Variants in RAP1A observed in about 807,000 individuals in gnomAD.
The protein encoded by RAP1A is ras-related protein Rap-1A.
Under a neutral mutation model 26.4 loss-of-function variants are expected in RAP1A, and 6 were observed. That is an observed-to-expected ratio of 0.23 (90% confidence interval 0.12 to 0.45). The LOEUF (loss-of-function observed/expected upper bound fraction) is 0.45. Among genes scored for constraint, RAP1A ranks in the 20% least tolerant of loss-of-function variants. The pLI, the probability that RAP1A is intolerant of heterozygous loss-of-function variation, is 0.99. For missense variants in RAP1A, 121 were observed against 217.2 expected (o/e 0.56, Z 2.78); for synonymous variants, 73 against 79.4 (o/e 0.92, Z 0.43).
At chr1:111,633,560 T>G (rs1480152673) in intron 1 of RAP1A, among the ~76,000 whole-genome samples, 1 of 152,250 alleles carries the variant, frequency 6.6e-6, no homozygotes. Flanking sequence ...TTCGTTCAAC[T>G]GGTAAGAAGC....
At chr1:111,705,830 A>G (rs184176919) in intron 6 of RAP1A, among the ~76,000 whole-genome samples, 53 of 152,328 alleles carry the variant, frequency 3.5e-4, no homozygotes, top group African/African-American at 1.3e-3. Flanking sequence ...GTCACTATCT[A>G]CAAGATAATT....
intron 6 of RAP1A, among the ~76,000 whole-genome samples, 166 bp from the exon 7 acceptor site, chr1:111,708,983 C>T (rs1309162619): frequency 6.6e-6 from 1 of 152,208 alleles, no homozygotes; most frequent in Non-Finnish European, 1.5e-5. Flanking sequence ...GTAAGTCCTG[C>T]TTTCTACCCT....
rs567637124 is a variant in RAP1A at position 111,569,112 on chromosome 1, A to G, written c.-28+26603A>G. ...TTAAGTTTTGGGAAAGTCAAAAGTT[A>G]CACTTGGAGGCCGGGCATGGTGGCT... On this transcript the variant is annotated intron_variant, in intron 1 of 7. Coordinates refer to the RAP1A transcript ENST00000356415. Among the ~76,000 whole-genome samples the G allele has an allele frequency of 2.0e-5, 3 of 152,216 alleles. No homozygotes were observed. In the East Asian group the frequency reaches 5.8e-4, roughly 29 times the overall value.
intron 1 of RAP1A, among the ~76,000 whole-genome samples, chr1:111,641,503 C>G (rs1659890095): frequency 6.6e-6 from 1 of 152,096 alleles, no homozygotes; most frequent in East Asian, 1.9e-4. Context: ...GGAGAACGTT[C>G]TTTATCTTAG....
chr1:111,650,093 CTT>C (rs57681662), intron 1 of RAP1A, among the ~76,000 whole-genome samples: 28,230 of 75,742 alleles, frequency 0.37, 3,330 homozygotes, highest in East Asian at 0.49. Context: ...TGGTAGAGTG[CTT>C]TTTTTTTTTT....
At position 111,712,686 on chromosome 1, in the gene RAP1A, A is replaced by G. The variant is rs1303940845; in HGVS notation, c.*285A>G. The G allele has an allele frequency of 6.6e-6, 1 of 152,546 alleles. No homozygotes were observed. Among genetic ancestry groups the G allele is most frequent in the East Asian group, 1.9e-4 (1 of 5,206 alleles). 9.4% of individuals were successfully genotyped at this position (152,546 alleles called of 1,614,324 possible). On this transcript the variant is annotated 3_prime_UTR_variant, in exon 8 of 8. Coordinates refer to ENST00000369709, the MANE Select transcript of RAP1A (RefSeq NM_002884.4). ...TACTTGACTCTAATATGATTATACA[A>G]AAGAGCATGGATGCATTTCAAATGT...
Position 111,563,796 on chromosome 1 carries a change from C to T in RAP1A, c.-28+21287C>T, listed in dbSNP as rs775065597. On this transcript the variant is annotated intron_variant, in intron 1 of 7. Coordinates refer to the RAP1A transcript ENST00000356415. ...TTCCAAAGTGGTCAGTATGCAGACT[C>T]AGACCCCAACCTCTGCCTCCCAGCA... 3.4e-6 allele frequency: 5 copies of T among 1,470,834 alleles called. No homozygotes were observed. In the South Asian group the frequency reaches 4.6e-5, roughly 13 times the overall value. 91.1% of individuals were successfully genotyped at this position (1,470,834 alleles called of 1,614,324 possible).
chr1:111,609,153 C>A (rs1658874282), intron 1 of RAP1A, among the ~76,000 whole-genome samples: 1 of 152,148 alleles, frequency 6.6e-6, no homozygotes, highest in Non-Finnish European at 1.5e-5. Context: ...CCTCCAACTC[C>A]CAGCAAGATG....
In RAP1A at chr1:111,688,802, G is replaced by T. The variant is rs111684669; in HGVS notation, c.-27-2532G>T. Among the ~76,000 whole-genome samples the T allele has an allele frequency of 1.0e-2, 1,257 of 125,766 alleles. 16 individuals are homozygous for T. The highest frequency in any genetic ancestry group is 0.035 in the African/African-American group (1,175 of 33,750). The allele number at this position is 125,766 out of a possible 152,430, so 82.5% of individuals were successfully genotyped here. On this transcript the variant is annotated intron_variant, in intron 1 of 7. Coordinates refer to ENST00000369709, the MANE Select transcript of RAP1A (RefSeq NM_002884.4). ...TACTTGGATGTGTAGATGGGTTTTT[G>T]TTTTTGTTTTTTTTTTTTTGTTTTT...
chr1:111,692,898 G>A (rs548829175), intron 2 of RAP1A, among the ~76,000 whole-genome samples: 1 of 152,312 alleles, frequency 6.6e-6, no homozygotes, highest in South Asian at 2.1e-4. Context: ...GGGAACAAGG[G>A]TGGTAGATAA....
intron 1 of RAP1A, among the ~76,000 whole-genome samples, chr1:111,580,570 C>T (rs766500686): frequency 5.9e-5 from 9 of 152,128 alleles, no homozygotes; most frequent in East Asian, 1.9e-4. Flanking sequence ...CCCTAGTTGC[C>T]GGGCGTGGTG....
chr1:111,604,484 A>ACAGT (rs1348360461), intron 1 of RAP1A: 3 of 152,210 alleles, frequency 2.0e-5, no homozygotes, highest in African/African-American at 7.2e-5. Flanking sequence ...CAGGATGTCC[A>ACAGT]CAGTTCAGCT....
intron 7 of RAP1A, among the ~76,000 whole-genome samples, chr1:111,710,830 A>G (rs969226765): frequency 6.6e-6 from 1 of 151,752 alleles, no homozygotes; most frequent in African/African-American, 2.4e-5. Context: ...TCTTAATTCA[A>G]TAACTTTTTT....
chr1:111,588,300 A>G (rs1036735351), intron 1 of RAP1A, among the ~76,000 whole-genome samples: 1 of 152,194 alleles, frequency 6.6e-6, no homozygotes, highest in African/African-American at 2.4e-5. Context: ...GCCATTTGTC[A>G]TGTGGATCAT....
intron 4 of RAP1A, among the ~76,000 whole-genome samples, chr1:111,699,979 C>G (rs963697151): frequency 1.4e-4 from 21 of 152,108 alleles, no homozygotes; most frequent in African/African-American, 5.1e-4. Flanking sequence ...AATGTAAAAC[C>G]TTTATTCATT....
At chr1:111,607,766 T>C (rs1159859089) in intron 1 of RAP1A, among the ~76,000 whole-genome samples, 1 of 82,840 alleles carries the variant, frequency 1.2e-5, no homozygotes, top group Admixed American at 1.2e-4. Flanking sequence ...TAGGGGCGGC[T>C]GGGCAGAGGC....
chr1:111,549,318 T>C (rs1298507186), intron 1 of RAP1A, among the ~76,000 whole-genome samples: 1 of 151,778 alleles, frequency 6.6e-6, no homozygotes, highest in Non-Finnish European at 1.5e-5. Context: ...GCTTTTTTTT[T>C]TTTTTTTCTT....
At chr1:111,648,589 A>G in intron 1 of RAP1A, 1 of 533,066 alleles carries the variant, frequency 1.9e-6, no homozygotes, top group Non-Finnish European at 3.5e-6. Flanking sequence ...ATCTGCAGGA[A>G]GTAGAGGGCC....
chr1:111,624,153 A>G (rs866749529), intron 1 of RAP1A, among the ~76,000 whole-genome samples: 11 of 152,248 alleles, frequency 7.2e-5, no homozygotes, highest in Non-Finnish European at 1.5e-5. Context: ...CATTTGTAAG[A>G]AGAGTTACGG....
Sources: allele counts gnomAD v4.1 joint callset (sites outside exome capture counted in the v4.1 genomes callset), GRCh38; gene constraint gnomAD v4.1.1; transcripts MANE v1.5; gene names NCBI Gene and HGNC (gene_info 2026-07-23, HGNC 2026-07-21).